The following GSG1L variants were observed in gnomAD, a reference collection of about 807,000 sequenced individuals.
The protein encoded by GSG1L is GSG1 like.
A neutral mutation model predicts 42.1 loss-of-function variants in GSG1L; 24 were observed. The ratio of observed to expected loss-of-function variants is 0.57; its 90% CI spans 0.41 to 0.80. The LOEUF is 0.80. Among genes scored for constraint, GSG1L ranks in the 30% least tolerant of loss-of-function variants. GSG1L has a pLI of 0.00. For missense variants in GSG1L, 445 were observed against 472.2 expected (o/e 0.94, Z 0.53); for synonymous variants, 215 against 203.5 (o/e 1.06, Z -0.48).
chr16:27,921,759 G>A (rs2084527172), intron 2 of GSG1L, among the ~76,000 whole-genome samples: 1 of 152,106 alleles, frequency 6.6e-6, no homozygotes, highest in African/African-American at 2.4e-5. Flanking sequence ...TCTTTTCCAG[G>A]CTCTTGTTTT....
chr16:27,816,095 G>A (rs28595665), intron 5 of GSG1L, among the ~76,000 whole-genome samples: 2,256 of 152,156 alleles, frequency 0.015, 57 homozygotes, highest in African/African-American at 0.051. Context: ...TTACCTCTGC[G>A]GTCTTTCTGG....
Position 27,899,286 on chromosome 16 carries a change from TG to T in GSG1L, c.398-14649del, listed in dbSNP as rs2084228752. Among the ~76,000 whole-genome samples the T allele has an allele frequency of 2.0e-5, 3 of 152,208 alleles. No individual in the cohort carries two copies. The South Asian group carries it at 6.2e-4, about 32-fold the overall frequency. On this transcript the variant is annotated intron_variant, in intron 2 of 6. Transcript: ENST00000447459. ...TAGCCCAGTGTTTAAGGGCACGGCC[TG>T]GGGAGCCAGGTCACCTGCAGGCAAA...
intron 1 of GSG1L, among the ~76,000 whole-genome samples, chr16:27,995,355 G>A (rs1359624102): frequency 6.6e-6 from 1 of 152,170 alleles, no homozygotes; most frequent in African/African-American, 2.4e-5. Flanking sequence ...CCCAAGAATG[G>A]AGAAATCATA....
At chr16:27,979,948 C>T (rs540684331) in intron 1 of GSG1L, among the ~76,000 whole-genome samples, 1 of 151,992 alleles carries the variant, frequency 6.6e-6, no homozygotes, top group Non-Finnish European at 1.5e-5. Context: ...AATGGCTGCC[C>T]TGTGCTTGGC....
Position 27,790,063 on chromosome 16 carries a change from G to A in GSG1L, c.*1307C>T, listed in dbSNP as rs140526606. On this transcript the variant is annotated 3_prime_UTR_variant, in exon 7 of 7. Transcript: ENST00000447459. ...TGAGTGGATGGATGGCAAATGGATG[G>A]ATGAATGGATAGATGATGGATGGAT... The A allele has an allele frequency of 1.1e-4, 17 of 151,622 alleles. No individual in the cohort carries two copies. Among genetic ancestry groups the A allele is most frequent in the Non-Finnish European group, 2.1e-4 (14 of 67,822 alleles). 9.4% of individuals were successfully genotyped at this position (151,622 alleles called of 1,614,324 possible). A position where few individuals can be genotyped will look rare whatever the true frequency, so the allele number is the denominator to read the frequency against.
At chr16:27,825,964 C>T (rs142609023) in intron 5 of GSG1L, among the ~76,000 whole-genome samples, 20 of 152,258 alleles carry the variant, frequency 1.3e-4, no homozygotes, top group Non-Finnish European at 2.1e-4. Flanking sequence ...GATAAATTAC[C>T]CAGTCTCAGT....
At position 28,040,810 on chromosome 16, in the gene GSG1L, G is replaced by T. The variant is rs2086097010; in HGVS notation, c.349+22266C>A. On this transcript the variant is annotated intron_variant, in intron 1 of 6. Coordinates refer to ENST00000447459, the MANE Select transcript of GSG1L (RefSeq NM_001109763.2). This position sits in a 1 kb window ranked among gnomAD's most constrained non-coding sequence, Gnocchi z 4.1. ...TGACTGGCCGCCAGGGCATCTCCTA[G>T]AATCAGTTCAGGTTCAGCCAGACAC... Among the ~76,000 whole-genome samples, 1 of 152,072 alleles carries T rather than the reference G, an allele frequency of 6.6e-6. No homozygotes were observed. The highest frequency in any genetic ancestry group is 1.5e-5 in the Non-Finnish European group (1 of 67,994).
intron 1 of GSG1L, among the ~76,000 whole-genome samples, chr16:28,029,549 ATGGATGGATGGATGCATGGG>A (rs2085933809): frequency 1.3e-5 from 2 of 151,584 alleles, no homozygotes; most frequent in Non-Finnish European, 2.9e-5. Flanking sequence ...GGATGGATGG[ATGGATGGATGGATGCATGGG>A]TGGATGGATG....
chr16:28,062,676 TG>T (rs1435775357), intron 1 of GSG1L, among the ~76,000 whole-genome samples: 3 of 151,722 alleles, frequency 2.0e-5, no homozygotes, highest in African/African-American at 7.3e-5. Context: ...CCGGGGTGGG[TG>T]GGGGCATCTA....
At chr16:27,951,229 T>C (rs1329371516) in intron 2 of GSG1L, among the ~76,000 whole-genome samples, 1 of 152,040 alleles carries the variant, frequency 6.6e-6, no homozygotes, top group African/African-American at 2.4e-5. Context: ...CATAGGAAGA[T>C]TCTAGAGCTC....
At chr16:27,946,795 G>A (rs1000237796) in intron 2 of GSG1L, among the ~76,000 whole-genome samples, 3 of 152,082 alleles carry the variant, frequency 2.0e-5, no homozygotes, top group Admixed American at 6.6e-5. Flanking sequence ...AGAAATAAAC[G>A]CAAACTGAGT....
intron 1 of GSG1L, among the ~76,000 whole-genome samples, chr16:28,048,436 AT>A (rs1279949078): frequency 3.9e-5 from 6 of 152,094 alleles, no homozygotes; most frequent in Non-Finnish European, 8.8e-5. Context: ...AGGCACTGGG[AT>A]TTTTTTAATA....
chr16:28,028,304 C>T (rs2085922620), intron 1 of GSG1L, among the ~76,000 whole-genome samples: 1 of 152,062 alleles, frequency 6.6e-6, no homozygotes, highest in African/African-American at 2.4e-5. Context: ...AATAATCCCT[C>T]ATGTTGACTA....
At chr16:27,939,899 T>C (rs1001071526) in intron 2 of GSG1L, among the ~76,000 whole-genome samples, 2 of 152,196 alleles carry the variant, frequency 1.3e-5, no homozygotes, top group Non-Finnish European at 2.9e-5. Context: ...TGGGCTGGTC[T>C]CGAGCTCCTG....
chr16:27,897,088 T>C (rs774260907), intron 2 of GSG1L, among the ~76,000 whole-genome samples: 15 of 152,174 alleles, frequency 9.9e-5, no homozygotes, highest in Non-Finnish European at 2.1e-4. Flanking sequence ...GGTCTCAAAC[T>C]CCTAACCTCA....
chr16:27,856,845 C>G (rs933667261), intron 3 of GSG1L, among the ~76,000 whole-genome samples: 1 of 152,078 alleles, frequency 6.6e-6, no homozygotes. Flanking sequence ...AGGAGAGATG[C>G]GGATTTGGGT....
intron 1 of GSG1L, among the ~76,000 whole-genome samples, chr16:27,966,966 C>A (rs2141112012): frequency 6.6e-6 from 1 of 152,256 alleles, no homozygotes; most frequent in South Asian, 2.1e-4. Context: ...ACAGTCCCCA[C>A]CGCCCACTAC....
intron 2 of GSG1L, among the ~76,000 whole-genome samples, chr16:27,932,994 T>G (rs2141074381): frequency 6.6e-6 from 1 of 152,228 alleles, no homozygotes; most frequent in Middle Eastern, 3.4e-3. Flanking sequence ...AGCCACTTGC[T>G]GAGTGGTGGG....
At chr16:27,841,627 G>A (rs2083382624) in intron 4 of GSG1L, among the ~76,000 whole-genome samples, 1 of 152,174 alleles carries the variant, frequency 6.6e-6, no homozygotes, top group African/African-American at 2.4e-5. Context: ...CAGCCCTGGC[G>A]AGGCCCCAAA....
Sources: gnomAD v4.1 joint callset for allele counts (sites outside exome capture counted in the v4.1 genomes callset) on GRCh38, gnomAD v4.1.1 for gene constraint, Gnocchi (gnomAD v3.1) non-coding constraint, MANE v1.5 for transcripts, NCBI Gene and HGNC (gene_info 2026-07-23, HGNC 2026-07-21) for gene names.